WNK1: variants seen among roughly 807,000 people sequenced by gnomAD.
WNK1 encodes the protein serine/threonine-protein kinase WNK1.
A neutral mutation model predicts 222.8 loss-of-function variants in WNK1; 38 were observed. That is an observed-to-expected ratio of 0.17 (90% confidence interval 0.13 to 0.22). The LOEUF (loss-of-function observed/expected upper bound fraction) is 0.22, where lower values mean the gene tolerates loss of function less well. Among genes scored for constraint, WNK1 ranks in the 10% least tolerant of loss-of-function variants. The probability of loss-of-function intolerance (pLI) is 1.00; values close to 1 mark genes in which losing one functional copy is unlikely to be tolerated. For synonymous variants in WNK1, 1,090 were observed against 1,092.9 expected, an observed-to-expected ratio of 1.00 and a Z score of 0.05; for missense variants, 2,348 against 2,918.4, an observed-to-expected ratio of 0.80 and a Z score of 4.50.
chr12:759,519 T>TG (rs1435885051), intron 1 of WNK1, among the ~76,000 whole-genome samples: 3 of 147,030 alleles, frequency 2.0e-5, no homozygotes, highest in Non-Finnish European at 3.0e-5. Flanking sequence ...TTAGTAGAGA[T>TG]GGGGTTTCAC....
Position 866,058 on chromosome 12 carries a change from A to G in WNK1, c.2139+3788A>G, listed in dbSNP as rs562376785. On this transcript the variant is annotated intron_variant, in intron 8 of 27. Coordinates refer to ENST00000315939, the MANE Select transcript of WNK1 (RefSeq NM_018979.4). ...TCTATCTTATAAAATTATTTTAAGCATGTGGGTCCTTGCTGCTTTTCCAAA... is the reference window on the plus strand; with the variant it reads ...TCTATCTTATAAAATTATTTTAAGCGTGTGGGTCCTTGCTGCTTTTCCAAA... 3.9e-3 allele frequency among the ~76,000 whole-genome samples: 348 copies of G among 89,162 alleles called. 1 individual carries two copies. Among genetic ancestry groups the G allele is most frequent in the African/African-American group, 0.012 (342 of 29,644 alleles). The allele number at this position is 89,162 out of a possible 152,430, so 58.5% of individuals were successfully genotyped here. A position where few individuals can be genotyped will look rare whatever the true frequency, so the allele number is the denominator to read the frequency against.
intron 1 of WNK1, among the ~76,000 whole-genome samples, chr12:810,468 T>A (rs1946806223): frequency 6.6e-6 from 1 of 152,220 alleles, no homozygotes; most frequent in African/African-American, 2.4e-5. Context: ...GAAATTTAAA[T>A]GTTAATAAGA....
chr12:809,488 T>G (rs1279702843), intron 1 of WNK1, among the ~76,000 whole-genome samples: 1 of 152,174 alleles, frequency 6.6e-6, no homozygotes, highest in African/African-American at 2.4e-5. Flanking sequence ...AGTAGGAATT[T>G]AATCTGTAGA....
At chr12:764,069 T>C (rs1428495445) in intron 1 of WNK1, among the ~76,000 whole-genome samples, 2 of 146,866 alleles carry the variant, frequency 1.4e-5, no homozygotes, top group Non-Finnish European at 3.0e-5. Context: ...AGCTGATGAT[T>C]CCCAAAAATG....
Position 828,522 on chromosome 12 carries a change from TG to T in WNK1, c.1153+1264del, listed in dbSNP as rs529056387. ...GGCTGTCTTGTACGTTGTAAGACTCTGGGGCAGCATTCCCAGCCTCTACCCA... is the reference window on the plus strand; with the variant it reads ...GGCTGTCTTGTACGTTGTAAGACTCTGGGCAGCATTCCCAGCCTCTACCCA... On this transcript the variant is annotated intron_variant, in intron 3 of 27. Coordinates refer to ENST00000315939, the MANE Select transcript of WNK1 (RefSeq NM_018979.4). Among the ~76,000 whole-genome samples the T allele has an allele frequency of 3.6e-4, 55 of 152,246 alleles. No homozygotes were observed. In the East Asian group the frequency reaches 9.8e-3, roughly 27 times the overall value.
At chr12:880,103 T>A in intron 11 of WNK1, 72 bp downstream of exon 11, 1 of 1,440,186 alleles carries the variant, frequency 6.9e-7, no homozygotes, top group Non-Finnish European at 9.6e-7. Flanking sequence ...CATGGAAATC[T>A]AATAGTTGAG....
intron 4 of WNK1, among the ~76,000 whole-genome samples, chr12:842,828 G>A (rs1478059307): frequency 6.6e-6 from 1 of 152,178 alleles, no homozygotes; most frequent in Non-Finnish European, 1.5e-5. Flanking sequence ...TGGCAACATT[G>A]TATAATATTG....
intron 9 of WNK1, 119 bp from the exon 10 acceptor site, chr12:878,093 T>C: frequency 7.5e-7 from 1 of 1,329,836 alleles, no homozygotes; most frequent in Non-Finnish European, 1.1e-6. Flanking sequence ...TTTGTGCATG[T>C]CTTGATTACT....
At chr12:837,184 A>G (rs191682939) in intron 4 of WNK1, among the ~76,000 whole-genome samples, 1 of 152,370 alleles carries the variant, frequency 6.6e-6, no homozygotes, top group Non-Finnish European at 1.5e-5. Context: ...GGGATGTGAC[A>G]TACAGAAACC....
Position 870,787 on chromosome 12 carries a change from G to A in WNK1, c.2140-478G>A, listed in dbSNP as rs1041029815. 4.6e-5 allele frequency among the ~76,000 whole-genome samples: 7 copies of A among 152,170 alleles called. 1 individual carries two copies. Among genetic ancestry groups the A allele is most frequent in the Admixed American group, 4.6e-4 (7 of 15,278 alleles). On this transcript the variant is annotated intron_variant, in intron 8 of 27. Coordinates refer to ENST00000315939, the MANE Select transcript of WNK1 (RefSeq NM_018979.4). ...TCCTGGATAGCAATGATCGCCCTAG[G>A]TACTTGGCAGTTGATGATAACAGAT...
intron 22 of WNK1, among the ~76,000 whole-genome samples, chr12:893,736 T>G (rs1954485427): frequency 1.3e-5 from 2 of 151,406 alleles, no homozygotes; most frequent in Non-Finnish European, 2.9e-5. Context: ...GGCAGGAGAA[T>G]GGCATGAACC....
chr12:827,519 TTTTGTTG>T lies in WNK1; in HGVS notation c.1153+260_1153+266del. 1 of 494,046 alleles carries T rather than the reference TTTTGTTG, an allele frequency of 2.0e-6. No individual in the cohort carries two copies. Among genetic ancestry groups the T allele is most frequent in the Non-Finnish European group, 3.5e-6 (1 of 287,128 alleles). 30.6% of individuals were successfully genotyped at this position (494,046 alleles called of 1,614,324 possible). On this transcript the variant is annotated intron_variant, in intron 3 of 27. Coordinates refer to ENST00000315939, the MANE Select transcript of WNK1 (RefSeq NM_018979.4). This position sits in a 1 kb window ranked among gnomAD's most constrained non-coding sequence, Gnocchi z 4.6. The stretch of plus-strand genomic sequence containing the variant: ...TGATAAAACCTAATGTAATAGCCTT[TTTTGTTG>T]TTGTTGTTGTTGTTGTTGTTGAGAT...
intron 25 of WNK1, among the ~76,000 whole-genome samples, chr12:899,858 T>TAA (rs61365891): frequency 1.1e-4 from 16 of 148,674 alleles, no homozygotes; most frequent in South Asian, 4.3e-4. Context: ...TCTAATAGGG[T>TAA]AAAAAAAAAA....
intron 26 of WNK1, among the ~76,000 whole-genome samples, chr12:905,456 C>T (rs576494241): frequency 5.3e-5 from 8 of 152,252 alleles, no homozygotes; most frequent in African/African-American, 1.9e-4. Context: ...TCAGGGGCGA[C>T]AGACTAGAGA....
chr12:908,728 T>G lies in WNK1; in HGVS notation c.7085T>G (p.Phe2362Cys), dbSNP rs778367857. The change falls in exon 28 of 28, where the codon TTC (phenylalanine) becomes TGC (cysteine). Residue 2362 changes from phenylalanine to cysteine, a missense_variant. Physicochemically the swap from Phe to Cys is radical, Grantham distance 205 (BLOSUM62 -2). This residue lies in a region of WNK1 where 76 missense variants were observed against 85.7 expected (regional missense o/e 0.89). Transcript: ENST00000315939. ...QPVGTASLQN[F>C]NISNLQKSIS... ...GTGGGAACTGCCTCCTTGCAGAATT[T>G]CAACATCAGCAATTTGCAGAAATCC... 1.9e-6 allele frequency: 3 copies of G among 1,613,878 alleles called. No homozygotes were observed. Among genetic ancestry groups the G allele is most frequent in the Non-Finnish European group, 1.7e-6 (2 of 1,179,992 alleles).
rs534020827 is a variant in WNK1 at position 909,253 on chromosome 12, C to T, written c.*461C>T. 51 of 168,998 alleles carry T rather than the reference C, an allele frequency of 3.0e-4. No homozygotes were observed. The highest frequency in any genetic ancestry group is 6.0e-3 in the Middle Eastern group (2 of 334). 10.5% of individuals were successfully genotyped at this position (168,998 alleles called of 1,614,324 possible). The stretch of plus-strand genomic sequence containing the variant: ...GGGCTCTCTCCTACCCTGCCCTCCT[C>T]CCTTTTTTTTACCCCTCTCTTTTTT... On this transcript the variant is annotated 3_prime_UTR_variant, in exon 28 of 28. Transcript: ENST00000315939.
chr12:842,407 G>A, intron 4 of WNK1, among the ~76,000 whole-genome samples: 1 of 152,214 alleles, frequency 6.6e-6, no homozygotes, highest in East Asian at 1.9e-4. Flanking sequence ...AGGCTCTTCT[G>A]TAGGTTCTCA....
intron 4 of WNK1, among the ~76,000 whole-genome samples, chr12:848,917 C>A (rs551126374): frequency 2.6e-5 from 4 of 152,162 alleles, no homozygotes; most frequent in African/African-American, 9.6e-5. Flanking sequence ...CCCCAAAGCC[C>A]CCTCAGTTTG....
intron 1 of WNK1, among the ~76,000 whole-genome samples, chr12:785,445 A>C (rs1364937742): frequency 1.7e-5 from 2 of 114,950 alleles, no homozygotes; most frequent in African/African-American, 6.8e-5. Flanking sequence ...TGTCACCCAG[A>C]GCTGGAGTGC....
Sources: gnomAD v4.1 joint callset for allele counts (sites outside exome capture counted in the v4.1 genomes callset) on GRCh38, gnomAD v4.1.1 for gene constraint, gnomAD v4.1.1 regional missense constraint, Gnocchi (gnomAD v3.1) non-coding constraint, MANE v1.5 for transcripts, NCBI Gene and HGNC (gene_info 2026-07-23, HGNC 2026-07-21) for gene names.